The following PCDHGB4 variants were observed in gnomAD, a reference collection of about 807,000 sequenced individuals.
PCDHGB4 encodes the protein protocadherin gamma-B4.
PCDHGB4 carries 38 observed loss-of-function variants against 60.5 expected under a neutral mutation model. The observed-to-expected ratio is 0.63, with a 90% CI of 0.48 to 0.82. The LOEUF is 0.82. PCDHGB4 is among the 40% of genes least tolerant of loss of function. PCDHGB4 has a pLI of 0.00. For missense variants in PCDHGB4, 1,109 were observed against 1,209.6 expected (o/e 0.92, Z 1.23); for synonymous variants, 456 against 509.7 (o/e 0.89, Z 1.42).
In PCDHGB4 at chr5:141,393,826, A is replaced by T. The variant is rs1182278213; in HGVS notation, c.2397+3545A>T. 6.2e-7 allele frequency: 1 copy of T among 1,613,988 alleles called. No homozygotes were observed. Among genetic ancestry groups the T allele is most frequent in the African/African-American group, 1.3e-5 (1 of 75,050 alleles). Reference sequence around the variant, plus strand: ...AGGACCAAATTGCTCATTTCGGTGGAAGATGTAAATGACAATAGACCAGAA... The same window carrying T: ...AGGACCAAATTGCTCATTTCGGTGGTAGATGTAAATGACAATAGACCAGAA... On this transcript the variant is annotated intron_variant, in intron 1 of 3. Coordinates refer to ENST00000519479, the MANE Select transcript of PCDHGB4 (RefSeq NM_003736.4).
rs767701229 is a variant in PCDHGB4, at chr5:141,405,417, T to TTTTTG, written c.2397+15151_2397+15155dup. 250 of 1,563,234 alleles carry TTTTTG rather than the reference T, an allele frequency of 1.6e-4. 1 individual carries two copies. Among genetic ancestry groups the TTTTTG allele is most frequent in the Admixed American group, 1.3e-4 (7 of 55,240 alleles). On this transcript the variant is annotated intron_variant, in intron 1 of 3. Coordinates refer to ENST00000519479, the MANE Select transcript of PCDHGB4 (RefSeq NM_003736.4). The stretch of plus-strand genomic sequence containing the variant: ...TTCTTTCTTTCTTTTCTTTTTTTGT[T>TTTTTG]TTTTGTTTTGTTTTGTTTTTGAGAC...
In PCDHGB4 at chr5:141,490,294, T is replaced by C. The variant is rs766906839; in HGVS notation, c.2398-4513T>C. ...CAATGACAATGCCCCAGAGGTGCTA[T>C]TGGCCTCTTTGGCCAACCCTGTCCT... On this transcript the variant is annotated intron_variant, in intron 1 of 3. Transcript: ENST00000519479. This position sits in a 1 kb window ranked among gnomAD's most constrained non-coding sequence, Gnocchi z 5.4. The C allele has an allele frequency of 5.6e-6, 9 of 1,614,104 alleles. No individual in the cohort carries two copies. The East Asian group carries it at 1.3e-4, about 24-fold the overall frequency.
intron 1 of PCDHGB4, chr5:141,418,421 G>A (rs776535087): frequency 2.5e-6 from 4 of 1,613,966 alleles, no homozygotes; most frequent in Non-Finnish European, 3.4e-6. Flanking sequence ...CAATCCTGAT[G>A]GTGGCAAATA....
At chr5:141,404,807 G>A (rs1226563047) in intron 1 of PCDHGB4, 1 of 1,613,924 alleles carries the variant, frequency 6.2e-7, no homozygotes, top group Non-Finnish European at 8.5e-7. Flanking sequence ...GCTCTTCTCG[G>A]TGGGGCTGCA....
intron 1 of PCDHGB4, chr5:141,430,973 A>G: frequency 6.2e-7 from 1 of 1,613,266 alleles, no homozygotes; most frequent in East Asian, 2.2e-5. Flanking sequence ...CAGAGGTAGG[A>G]CGCAGCTTTT....
chr5:141,455,466 A>G (rs1253494886), intron 1 of PCDHGB4, among the ~76,000 whole-genome samples: 1 of 152,164 alleles, frequency 6.6e-6, no homozygotes, highest in East Asian at 1.9e-4. Flanking sequence ...AGCCAGGTAT[A>G]TATGCAGAGG....
chr5:141,420,028 A>C, intron 1 of PCDHGB4: 2 of 1,614,076 alleles, frequency 1.2e-6, no homozygotes, highest in Non-Finnish European at 1.7e-6. Flanking sequence ...GCCCTACTGC[A>C]GGAGACTGCT....
intron 1 of PCDHGB4, among the ~76,000 whole-genome samples, chr5:141,425,386 G>C (rs2096871887): frequency 6.6e-6 from 1 of 152,224 alleles, no homozygotes; most frequent in South Asian, 2.1e-4. Context: ...TTCGGAGGTA[G>C]TGATAAAGTT....
At chr5:141,456,057 C>T (rs2098842079) in intron 1 of PCDHGB4, among the ~76,000 whole-genome samples, 1 of 151,914 alleles carries the variant, frequency 6.6e-6, no homozygotes, top group South Asian at 2.1e-4. Context: ...ACCACCACGT[C>T]CGGCTAATTT....
rs781586915 is a variant in PCDHGB4, at chr5:141,389,444, C to G, written c.1560C>G (p.His520Gln). 7.0e-5 allele frequency: 112 copies of G among 1,610,446 alleles called. No homozygotes were observed. Among genetic ancestry groups the G allele is most frequent in the Middle Eastern group, 1.7e-4 (1 of 5,992 alleles). The change falls in exon 1 of 4, where the codon CAC becomes CAG. Residue 520 changes from histidine to glutamine, a missense_variant. Physicochemically the swap from His to Gln is conservative, Grantham distance 24. This residue lies in a region of PCDHGB4 where 1,068 missense variants were observed against 1,089.9 expected (regional missense o/e 0.98). Transcript: ENST00000519479. Reference sequence around the variant, plus strand: ...TGTTCGCGCAGCGCGCCTTCGACCACGAGCAGCTGCGCGCCTTCGAACTCA... The same window carrying G: ...TGTTCGCGCAGCGCGCCTTCGACCAGGAGCAGCTGCGCGCCTTCGAACTCA... ...GVVFAQRAFD[H>Q]EQLRAFELTL...
chr5:141,388,161 G>A lies in PCDHGB4; in HGVS notation c.277G>A (p.Glu93Lys), dbSNP rs2150354529. 4 of 1,475,088 alleles carry A rather than the reference G, an allele frequency of 2.7e-6. No homozygotes were observed. Among genetic ancestry groups the A allele is most frequent in the South Asian group, 1.2e-5 (1 of 86,264 alleles). The allele number at this position is 1,475,088 out of a possible 1,614,324, so 91.4% of individuals were successfully genotyped here. ...GCTTGTGAGCAGCAGGCTAGACAGG[G>A]AGGAGATATGCGGGAAGAAGCCAGC... ...ELLVSSRLDR[E>K]EICGKKPACA... Residue 93 changes from glutamate (E) to lysine (K), a missense_variant, in exon 1 of 4, where the codon GAG becomes AAG. This residue lies in a region of PCDHGB4 where 1,068 missense variants were observed against 1,089.9 expected (regional missense o/e 0.98). Coordinates refer to ENST00000519479, the MANE Select transcript of PCDHGB4 (RefSeq NM_003736.4).
intron 1 of PCDHGB4, chr5:141,410,110 C>A (rs1361292941): frequency 6.2e-7 from 1 of 1,612,540 alleles, no homozygotes; most frequent in Admixed American, 1.7e-5. Flanking sequence ...GCGACAGGGA[C>A]GCAGCCCGCC....
chr5:141,491,641 C>T lies in PCDHGB4; in HGVS notation c.2398-3166C>T. Reference sequence around the variant, plus strand: ...CCTCAGCGTTCAGCAGCCCACAGCTCTGGCGCTGGAGCCTGACGCCATCCG... The same window carrying T: ...CCTCAGCGTTCAGCAGCCCACAGCTTTGGCGCTGGAGCCTGACGCCATCCG... On this transcript the variant is annotated intron_variant, in intron 1 of 3. Coordinates refer to ENST00000519479, the MANE Select transcript of PCDHGB4 (RefSeq NM_003736.4). The surrounding 1 kb of genome is among the most constrained non-coding windows in gnomAD (Gnocchi z 6.9). The T allele has an allele frequency of 6.2e-7, 1 of 1,613,896 alleles. No homozygotes were observed. Among genetic ancestry groups the T allele is most frequent in the Non-Finnish European group, 8.5e-7 (1 of 1,180,018 alleles).
chr5:141,425,695 T>C (rs1329762653), intron 1 of PCDHGB4, among the ~76,000 whole-genome samples: 1 of 152,232 alleles, frequency 6.6e-6, no homozygotes, highest in Non-Finnish European at 1.5e-5. Context: ...TATCATTTCA[T>C]AGTGGTCAAA....
chr5:141,473,655 G>A (rs2099326380), intron 1 of PCDHGB4, among the ~76,000 whole-genome samples: 1 of 152,182 alleles, frequency 6.6e-6, no homozygotes, highest in Non-Finnish European at 1.5e-5. Context: ...AACAATTTGT[G>A]TGAAGGCCCT....
At chr5:141,408,953 CTT>C in intron 1 of PCDHGB4, 1 of 1,613,552 alleles carries the variant, frequency 6.2e-7, no homozygotes, top group Non-Finnish European at 8.5e-7. Context: ...TAGAATTAGT[CTT>C]AGTGAAAATC....
intron 1 of PCDHGB4, chr5:141,394,054 AT>A: frequency 6.2e-7 from 1 of 1,613,802 alleles, no homozygotes; most frequent in Non-Finnish European, 8.5e-7. Flanking sequence ...GACCGAGAAA[AT>A]GTCTCTATCT....
chr5:141,490,251 A>G lies in PCDHGB4; in HGVS notation c.2398-4556A>G, dbSNP rs1479384008. ...CCATGGAGGGCCACTGTGTGATTCA[A>G]GTGGATGTGGGGGATGTCAATGACA... is the stretch of plus-strand genomic sequence containing the variant. On this transcript the variant is annotated intron_variant, in intron 1 of 3. Coordinates refer to ENST00000519479, the MANE Select transcript of PCDHGB4 (RefSeq NM_003736.4). This position sits in a 1 kb window ranked among gnomAD's most constrained non-coding sequence, Gnocchi z 5.4. 6.2e-7 allele frequency: 1 copy of G among 1,614,210 alleles called. No homozygotes were observed. Among genetic ancestry groups the G allele is most frequent in the Non-Finnish European group, 8.5e-7 (1 of 1,180,036 alleles).
intron 1 of PCDHGB4, among the ~76,000 whole-genome samples, chr5:141,396,908 C>G (rs987572785): frequency 1.3e-5 from 2 of 152,146 alleles, no homozygotes; most frequent in Admixed American, 6.5e-5. Context: ...TGGCACTTTG[C>G]AATTTTAAAA....
Sources: gnomAD v4.1 joint callset for allele counts (sites outside exome capture counted in the v4.1 genomes callset) on GRCh38, gnomAD v4.1.1 for gene constraint, gnomAD v4.1.1 regional missense constraint, Gnocchi (gnomAD v3.1) non-coding constraint, MANE v1.5 for transcripts, NCBI Gene and HGNC (gene_info 2026-07-23, HGNC 2026-07-21) for gene names.